RHOBTB3: variants seen among roughly 807,000 people sequenced by gnomAD.
RHOBTB3 encodes rho-related BTB domain-containing protein 3.
Under a neutral mutation model 67.2 loss-of-function variants are expected in RHOBTB3, and 47 were observed. That is an observed-to-expected ratio of 0.70 (90% confidence interval 0.55 to 0.89). The LOEUF is 0.89. Ranked by LOEUF, RHOBTB3 falls within the 40% of genes least tolerant of loss-of-function variation. RHOBTB3 has a pLI of 0.00. For missense variants in RHOBTB3, 631 were observed against 750.0 expected (o/e 0.84, Z 1.85); for synonymous variants, 273 against 274.2 (o/e 1.00, Z 0.04).
At position 95,784,052 on chromosome 5, in the gene RHOBTB3, C is replaced by T. The variant is rs537874065; in HGVS notation, c.1623+89C>T. The T allele has an allele frequency of 1.6e-4, 170 of 1,045,448 alleles. 2 individuals are homozygous for T. The East Asian group carries it at 3.3e-3, about 20-fold the overall frequency. The allele number at this position is 1,045,448 out of a possible 1,614,324, so 64.8% of individuals were successfully genotyped here. On this transcript the variant is annotated intron_variant, in intron 10 of 11. Coordinates refer to ENST00000379982, the MANE Select transcript of RHOBTB3 (RefSeq NM_014899.4). ...TTAAAATTTATCATTTTTTAACATA[C>T]GTTAATACTAGTCTTAGTTTGGAAG... is the stretch of plus-strand genomic sequence containing the variant.
At chr5:95,791,008 C>T (rs935066802) in intron 11 of RHOBTB3, among the ~76,000 whole-genome samples, 2 of 152,162 alleles carry the variant, frequency 1.3e-5, no homozygotes, top group South Asian at 2.1e-4. Flanking sequence ...TCCAGAGGGT[C>T]GCAGTCACTT....
upstream of RHOBTB3, among the ~76,000 whole-genome samples, chr5:95,730,084 TA>T (rs397738577): frequency 1.9e-3 from 277 of 145,912 alleles, no homozygotes; most frequent in African/African-American, 5.4e-3. Context: ...GAAATTAGAT[TA>T]AAAAAAAAAA....
At chr5:95,744,018 C>T (rs2431344) in intron 3 of RHOBTB3, among the ~76,000 whole-genome samples, 57,353 of 150,556 alleles carry the variant, frequency 0.38, 11,841 homozygotes, top group East Asian at 0.71. Context: ...CCCTCTCCCC[C>T]TTCCTTCTTT....
chr5:95,753,005 G>A (rs538070393), intron 5 of RHOBTB3, among the ~76,000 whole-genome samples: 4 of 152,090 alleles, frequency 2.6e-5, no homozygotes, highest in Non-Finnish European at 5.9e-5. Flanking sequence ...GGTGGCAGGC[G>A]CCTGTAGTCC....
intron 8 of RHOBTB3, among the ~76,000 whole-genome samples, chr5:95,771,220 GA>G (rs1404075563): frequency 1.3e-5 from 2 of 152,222 alleles, no homozygotes; most frequent in African/African-American, 4.8e-5. Context: ...AGTTAGGCAA[GA>G]AAGATCGAAG....
intron 7 of RHOBTB3, 34 bp from the exon 8 acceptor site, chr5:95,768,008 TAAAC>T: frequency 6.2e-7 from 1 of 1,602,490 alleles, no homozygotes; most frequent in Non-Finnish European, 8.5e-7. Flanking sequence ...CAAAGCATGT[TAAAC>T]AACCTTTCCC....
At chr5:95,782,803 C>G (rs1746092665) in intron 9 of RHOBTB3, 1 of 122,400 alleles carries the variant, frequency 8.2e-6, no homozygotes, top group Non-Finnish European at 1.6e-5. Context: ...GAGTGAGACT[C>G]CATCTCAAAA....
intron 1 of RHOBTB3, among the ~76,000 whole-genome samples, chr5:95,722,173 T>C (rs1480495061): frequency 6.6e-6 from 1 of 152,158 alleles, no homozygotes; most frequent in African/African-American, 2.4e-5. Flanking sequence ...TGGATGGCCA[T>C]AGCAGAGATG....
At position 95,788,798 on chromosome 5, in the gene RHOBTB3, C is replaced by T; in HGVS notation, c.1660C>T (p.His554Tyr). ...TGATTGCCTTTCAACCTGGCTACTT[C>T]ATTTCATTGCTACTAACTACCTCAT... The part of the protein sequence containing the change: ...HSDCLSTWLL[H>Y]FIATNYLIFS... The change falls in exon 11 of 12, where the codon CAT (histidine) becomes TAT (tyrosine). Residue 554 changes from histidine to tyrosine, a missense_variant. Coordinates refer to ENST00000379982, the MANE Select transcript of RHOBTB3 (RefSeq NM_014899.4). The T allele has an allele frequency of 6.3e-7, 1 of 1,587,668 alleles. No homozygotes were observed.
chr5:95,785,102 T>G (rs978783191), intron 10 of RHOBTB3, among the ~76,000 whole-genome samples: 22 of 152,220 alleles, frequency 1.4e-4, no homozygotes, highest in African/African-American at 5.1e-4. Flanking sequence ...ATGGGGCAAA[T>G]TCCAGATCTG....
intron 4 of RHOBTB3, among the ~76,000 whole-genome samples, chr5:95,750,958 T>C (rs562791960): frequency 1.6e-4 from 24 of 152,340 alleles, no homozygotes; most frequent in Middle Eastern, 3.4e-3. Context: ...TGCCAGGCTT[T>C]TATGATGATG....
At chr5:95,775,425 CAT>C (rs1019161711) in intron 8 of RHOBTB3, among the ~76,000 whole-genome samples, 1 of 147,688 alleles carries the variant, frequency 6.8e-6, no homozygotes, top group African/African-American at 2.5e-5. Flanking sequence ...TATATATACA[CAT>C]ATATATACTA....
chr5:95,768,776 G>A (rs1323409954), intron 8 of RHOBTB3, among the ~76,000 whole-genome samples: 1 of 152,176 alleles, frequency 6.6e-6, no homozygotes, highest in African/African-American at 2.4e-5. Flanking sequence ...ATGAAGATGA[G>A]CTGTTTGAGT....
At chr5:95,751,084 A>G (rs1745076576) in intron 4 of RHOBTB3, among the ~76,000 whole-genome samples, 1 of 152,246 alleles carries the variant, frequency 6.6e-6, no homozygotes, top group South Asian at 2.1e-4. Flanking sequence ...CTTTTGCCCC[A>G]GGCCTTGCAA....
chr5:95,733,939 G>C (rs768556665), intron 2 of RHOBTB3, among the ~76,000 whole-genome samples: 4 of 152,164 alleles, frequency 2.6e-5, no homozygotes, highest in Non-Finnish European at 5.9e-5. Context: ...TTTCAGGTCT[G>C]TGTGTCCTTG....
intron 1 of RHOBTB3, among the ~76,000 whole-genome samples, chr5:95,718,061 C>T (rs1234179049): frequency 1.3e-5 from 2 of 152,276 alleles, no homozygotes; most frequent in South Asian, 4.1e-4. Context: ...CATTTAAAAC[C>T]AGTTAGCTTT....
At chr5:95,784,558 C>CTTT (rs1012522380) in intron 10 of RHOBTB3, among the ~76,000 whole-genome samples, 1 of 151,692 alleles carries the variant, frequency 6.6e-6, no homozygotes, top group Non-Finnish European at 1.5e-5. Flanking sequence ...AGCTCGGAGT[C>CTTT]TTTTGTTTTC....
intron 8 of RHOBTB3, chr5:95,769,998 G>A (rs553783018): frequency 1.0e-4 from 42 of 408,272 alleles, no homozygotes; most frequent in Non-Finnish European, 1.5e-4. Flanking sequence ...GCTGTTGGTG[G>A]TGCAGTGTTT....
At chr5:95,783,480 C>T in intron 9 of RHOBTB3, 1 of 147,240 alleles carries the variant, frequency 6.8e-6, no homozygotes. Context: ...TATCCCAGCA[C>T]TTTGGGAGGC....
Sources: allele counts gnomAD v4.1 joint callset (sites outside exome capture counted in the v4.1 genomes callset), GRCh38; gene constraint gnomAD v4.1.1; transcripts MANE v1.5; gene names NCBI Gene and HGNC (gene_info 2026-07-23, HGNC 2026-07-21).